Variants in ITPRID2 observed in about 807,000 individuals in gnomAD.
ITPRID2 encodes the protein protein ITPRID2.
ITPRID2 carries 60 observed loss-of-function variants against 124.3 expected under a neutral mutation model. The observed-to-expected ratio is 0.48, with a 90% CI of 0.39 to 0.60. ITPRID2 has a LOEUF of 0.60. Among genes scored for constraint, ITPRID2 ranks in the 20% least tolerant of loss-of-function variants. The probability of loss-of-function intolerance (pLI) is 0.00; values close to 1 mark genes in which losing one functional copy is unlikely to be tolerated. For synonymous variants in ITPRID2, 521 were observed against 542.9 expected (o/e 0.96, Z 0.56); for missense variants, 1,553 against 1,512.2 (o/e 1.03, Z -0.45).
rs191006193 is a variant in ITPRID2, at chr2:181,916,856, C to T, written c.2787+429C>T. On this transcript the variant is annotated intron_variant, in intron 11 of 17. Transcript: ENST00000431877. ...TTCCAAGTTTTCTCCCTGTTGGCTTCTGTGGCACCACGTTCTCCTGGTTCT... is the reference window on the plus strand; with the variant it reads ...TTCCAAGTTTTCTCCCTGTTGGCTTTTGTGGCACCACGTTCTCCTGGTTCT... The T allele has an allele frequency of 1.0e-5, 10 of 1,002,224 alleles. No individual in the cohort carries two copies. In the South Asian group the frequency reaches 1.7e-4, roughly 17 times the overall value. 62.1% of individuals were successfully genotyped at this position (1,002,224 alleles called of 1,614,324 possible).
chr2:181,916,525 C>G, intron 11 of ITPRID2, 98 bp downstream of exon 11: 1 of 1,392,282 alleles, frequency 7.2e-7, no homozygotes, highest in Non-Finnish European at 9.6e-7. Context: ...TATGAACTAC[C>G]TCAGCTTTAT....
At chr2:181,897,583 C>CA (rs930375179) in intron 4 of ITPRID2, among the ~76,000 whole-genome samples, 6 of 150,330 alleles carry the variant, frequency 4.0e-5, no homozygotes, top group African/African-American at 1.5e-4. Flanking sequence ...CTTTCTTGTA[C>CA]AAAAAATAAG....
intron 9 of ITPRID2, among the ~76,000 whole-genome samples, chr2:181,912,875 CAGAA>C (rs1693713600): frequency 1.3e-5 from 2 of 152,006 alleles, no homozygotes; most frequent in African/African-American, 4.8e-5. Flanking sequence ...GAAAAATAAG[CAGAA>C]AGATTTTATA....
At position 181,896,833 on chromosome 2, in the gene ITPRID2, T is replaced by G. The variant is rs1439725228; in HGVS notation, c.308-75T>G. On this transcript the variant is annotated intron_variant, in intron 3 of 17. Coordinates refer to ENST00000431877, the MANE Select transcript of ITPRID2 (RefSeq NM_001130445.3). The surrounding 1 kb of genome is among the most constrained non-coding windows in gnomAD (Gnocchi z 4.3). The stretch of plus-strand genomic sequence containing the variant: ...TATAAGATATTTTGCTGGGTGAATT[T>G]AACTAAAACAGTGATTTTATATGAG... 3 of 1,180,534 alleles carry G rather than the reference T, an allele frequency of 2.5e-6. No homozygotes were observed. The East Asian group carries it at 7.0e-5, about 28-fold the overall frequency. 73.1% of individuals were successfully genotyped at this position (1,180,534 alleles called of 1,614,324 possible). A position where few individuals can be genotyped will look rare whatever the true frequency, so the allele number is the denominator to read the frequency against.
Position 181,915,349 on chromosome 2 carries a change from A to C in ITPRID2, c.1709A>C (p.Glu570Ala), listed in dbSNP as rs184120942. Residue 570 changes from glutamate (E) to alanine (A), a missense_variant, in exon 11 of 18, where the codon GAG (glutamate) becomes GCG (alanine). Transcript: ENST00000431877. ...DQPYFNESEE[E>A]SLVPLQKGLE... ...CCTTATTTTAATGAATCAGAGGAGG[A>C]GTCTCTTGTCCCTCTTCAGAAGGGA... is the stretch of plus-strand genomic sequence containing the variant. 1.3e-5 allele frequency: 21 copies of C among 1,614,146 alleles called. No individual in the cohort carries two copies. The Middle Eastern group carries it at 4.9e-4, about 38-fold the overall frequency.
intron 17 of ITPRID2, among the ~76,000 whole-genome samples, chr2:181,928,844 T>G (rs914484747): frequency 6.6e-6 from 1 of 152,096 alleles, no homozygotes; most frequent in Non-Finnish European, 1.5e-5. Context: ...GCCGGGATGG[T>G]CTCGATCTCC....
At chr2:181,928,087 T>C in intron 16 of ITPRID2, 74 bp from the exon 17 acceptor site, 1 of 1,010,624 alleles carries the variant, frequency 9.9e-7, no homozygotes, top group Non-Finnish European at 1.5e-6. Context: ...GCTATTTGTA[T>C]TTTTTCCAAA....
intron 2 of ITPRID2, chr2:181,894,499 C>G (rs955557811): frequency 5.3e-5 from 8 of 152,164 alleles, no homozygotes; most frequent in African/African-American, 9.6e-5. Flanking sequence ...ACAGATTCGA[C>G]TTAGGATATG....
At position 181,928,629 on chromosome 2, in the gene ITPRID2, C is replaced by CT. The variant is rs756208720; in HGVS notation, c.*13+365dup. Among the ~76,000 whole-genome samples, 1,133 of 142,296 alleles carry CT rather than the reference C, an allele frequency of 8.0e-3. 10 individuals are homozygous for CT. Among genetic ancestry groups the CT allele is most frequent in the African/African-American group, 0.015 (588 of 39,044 alleles). 93.4% of individuals were successfully genotyped at this position (142,296 alleles called of 152,430 possible). Reference sequence around the variant, plus strand: ...GATTTTGTGAATTAATCACAACTTCCTTTTTTTTTTTTTTGAGACAGAGTC... The same window carrying CT: ...GATTTTGTGAATTAATCACAACTTCCTTTTTTTTTTTTTTTGAGACAGAGTC... On this transcript the variant is annotated intron_variant, in intron 17 of 17. Coordinates refer to ENST00000431877, the MANE Select transcript of ITPRID2 (RefSeq NM_001130445.3).
At position 181,891,967 on chromosome 2, in the gene ITPRID2, C is replaced by G. The variant is rs1387842762; in HGVS notation, c.-100C>G. The G allele has an allele frequency of 9.7e-7, 1 of 1,034,954 alleles. No individual in the cohort carries two copies. The highest frequency in any genetic ancestry group is 1.3e-6 in the Non-Finnish European group (1 of 775,514). The allele number at this position is 1,034,954 out of a possible 1,614,324, so 64.1% of individuals were successfully genotyped here. On this transcript the variant is annotated 5_prime_UTR_variant, in exon 1 of 18. Coordinates refer to ENST00000431877, the MANE Select transcript of ITPRID2 (RefSeq NM_001130445.3). ...CGGCGCCCGCTTCAGCTCCCCGGGGCCCCCTGCCCGGCCGGGCGCTGACAG... is the reference window on the plus strand; with the variant it reads ...CGGCGCCCGCTTCAGCTCCCCGGGGGCCCCTGCCCGGCCGGGCGCTGACAG...
chr2:181,929,097 T>A (rs977712848), intron 17 of ITPRID2, among the ~76,000 whole-genome samples: 21 of 151,896 alleles, frequency 1.4e-4, no homozygotes, highest in African/African-American at 3.4e-4. Flanking sequence ...CATTAAAAAA[T>A]TTTTTTGTAG....
rs1691878079 is a variant in ITPRID2 at position 181,892,875 on chromosome 2, G to A, written c.257+215G>A. ...GTGACCGTGTTGACTTTACAGTTAG[G>A]ACTTGAGCTACTCACGCATCGTGTT... is the stretch of plus-strand genomic sequence containing the variant. On this transcript the variant is annotated intron_variant, in intron 2 of 17. Transcript: ENST00000431877. This position sits in a 1 kb window ranked among gnomAD's most constrained non-coding sequence, Gnocchi z 5.2. 1.7e-6 allele frequency: 1 copy of A among 603,296 alleles called. No homozygotes were observed. The highest frequency in any genetic ancestry group is 3.0e-6 in the Non-Finnish European group (1 of 338,432). 37.4% of individuals were successfully genotyped at this position (603,296 alleles called of 1,614,324 possible).
At chr2:181,895,963 C>A (rs1692163189) in intron 2 of ITPRID2, 67 bp from the exon 3 acceptor site, 3 of 1,321,242 alleles carry the variant, frequency 2.3e-6, no homozygotes, top group South Asian at 1.2e-5. Context: ...TTAAGTAAGG[C>A]TGTGTAATGA....
At chr2:181,914,132 T>G (rs1693844951) in intron 10 of ITPRID2, among the ~76,000 whole-genome samples, 199 bp downstream of exon 10, 1 of 152,236 alleles carries the variant, frequency 6.6e-6, no homozygotes, top group African/African-American at 2.4e-5. Context: ...TGAATATGTT[T>G]TTAAAAATAT....
chr2:181,930,617 AGTT>A lies in ITPRID2; in HGVS notation c.*1074_*1076del, dbSNP rs1444595073. ...GTGATATTTTAATCAAAAGTGGTTG[AGTT>A]GTTAACAGTGTTCTTTGAAAGAATC... On this transcript the variant is annotated 3_prime_UTR_variant, in exon 18 of 18. Transcript: ENST00000431877. The A allele has an allele frequency of 6.6e-6, 1 of 152,586 alleles. No individual in the cohort carries two copies. Among genetic ancestry groups the A allele is most frequent in the African/African-American group, 2.4e-5 (1 of 41,458 alleles). 9.5% of individuals were successfully genotyped at this position (152,586 alleles called of 1,614,324 possible).
In ITPRID2 at chr2:181,910,040, T is replaced by C; in HGVS notation, c.1486+69T>C. 8.5e-7 allele frequency: 1 copy of C among 1,175,118 alleles called. No individual in the cohort carries two copies. Among genetic ancestry groups the C allele is most frequent in the South Asian group, 1.3e-5 (1 of 77,576 alleles). The allele number at this position is 1,175,118 out of a possible 1,614,324, so 72.8% of individuals were successfully genotyped here. On this transcript the variant is annotated intron_variant, in intron 9 of 17. Transcript: ENST00000431877. The surrounding 1 kb of genome is among the most constrained non-coding windows in gnomAD (Gnocchi z 4.1). ...ATTAGTTGATTTGGAAAAGGGGTTTTATGTATCAGTATTTGTAGTATTTAT... is the reference window on the plus strand; with the variant it reads ...ATTAGTTGATTTGGAAAAGGGGTTTCATGTATCAGTATTTGTAGTATTTAT...
At chr2:181,906,215 G>A (rs376826111) in intron 8 of ITPRID2, among the ~76,000 whole-genome samples, 1 of 152,012 alleles carries the variant, frequency 6.6e-6, no homozygotes, top group African/African-American at 2.4e-5. Context: ...ATTTGATATT[G>A]TTTTATAGCA....
rs1339424328 is a variant in ITPRID2 at position 181,910,781 on chromosome 2, A to T, written c.1486+810A>T. 6.6e-6 allele frequency among the ~76,000 whole-genome samples: 1 copy of T among 152,112 alleles called. No individual in the cohort carries two copies. Among genetic ancestry groups the T allele is most frequent in the African/African-American group, 2.4e-5 (1 of 41,506 alleles). On this transcript the variant is annotated intron_variant, in intron 9 of 17. Coordinates refer to ENST00000431877, the MANE Select transcript of ITPRID2 (RefSeq NM_001130445.3). This position sits in a 1 kb window ranked among gnomAD's most constrained non-coding sequence, Gnocchi z 4.1. ...ACTTCACAGGAGACAATTTGCATAA[A>T]TTTTTTTCTTTTATTGCAATATGGT...
intron 15 of ITPRID2, 121 bp from the exon 16 acceptor site, chr2:181,921,827 A>AT: frequency 1.2e-6 from 1 of 861,730 alleles, no homozygotes; most frequent in Non-Finnish European, 1.8e-6. Flanking sequence ...AATTAATGGA[A>AT]TAGATTTATG....
Sources: gnomAD v4.1 joint callset for allele counts (sites outside exome capture counted in the v4.1 genomes callset) on GRCh38, gnomAD v4.1.1 for gene constraint, Gnocchi (gnomAD v3.1) non-coding constraint, MANE v1.5 for transcripts, NCBI Gene and HGNC (gene_info 2026-07-23, HGNC 2026-07-21) for gene names.